The following MEMO1 variants were observed in gnomAD, a reference collection of about 807,000 sequenced individuals.
MEMO1 encodes mediator of cell motility 1.
Under a neutral mutation model 45.2 loss-of-function variants are expected in MEMO1, and 6 were observed. The observed-to-expected ratio is 0.13, with a 90% CI of 0.07 to 0.26. The LOEUF is 0.26. Ranked by LOEUF, MEMO1 falls within the 10% of genes least tolerant of loss-of-function variation. The pLI, the probability that MEMO1 is intolerant of heterozygous loss-of-function variation, is 1.00. For missense variants in MEMO1, 184 were observed against 370.5 expected (o/e 0.50, Z 4.13); for synonymous variants, 78 against 124.3 (o/e 0.63, Z 2.48).
At chr2:31,984,689 C>T (rs1182992483) in intron 2 of MEMO1, among the ~76,000 whole-genome samples, 1 of 152,146 alleles carries the variant, frequency 6.6e-6, no homozygotes, top group Non-Finnish European at 1.5e-5. Flanking sequence ...ACCTGTAGTC[C>T]CAGCCAGTCG....
At chr2:31,886,431 C>CA (rs1676203457) in intron 7 of MEMO1, among the ~76,000 whole-genome samples, 1 of 152,122 alleles carries the variant, frequency 6.6e-6, no homozygotes, top group African/African-American at 2.4e-5. Context: ...CATACACACA[C>CA]ACAACTTTAG....
chr2:31,899,426 C>A (rs906158388), intron 6 of MEMO1, among the ~76,000 whole-genome samples: 1 of 152,140 alleles, frequency 6.6e-6, no homozygotes, highest in Admixed American at 6.5e-5. Flanking sequence ...CAAAAACAAG[C>A]AATGGGGAAA....
chr2:31,926,596 C>T (rs1464151725), intron 4 of MEMO1, among the ~76,000 whole-genome samples: 4 of 152,044 alleles, frequency 2.6e-5, no homozygotes, highest in African/African-American at 9.7e-5. Flanking sequence ...CGCATGTAAT[C>T]CCAGCACTTT....
chr2:31,923,612 T>C, intron 4 of MEMO1: 3 of 1,528,072 alleles, frequency 2.0e-6, no homozygotes, highest in Non-Finnish European at 2.6e-6. Flanking sequence ...TTAGGTAGCC[T>C]GACTAGGGCC....
At chr2:31,875,172 T>C in intron 8 of MEMO1, among the ~76,000 whole-genome samples, 1 of 152,252 alleles carries the variant, frequency 6.6e-6, no homozygotes, top group East Asian at 1.9e-4. Flanking sequence ...AATTCAAGCA[T>C]ATTAATATGA....
chr2:31,879,036 C>T (rs1365730604), intron 8 of MEMO1, among the ~76,000 whole-genome samples: 1 of 152,172 alleles, frequency 6.6e-6, no homozygotes, highest in Admixed American at 6.5e-5. Flanking sequence ...TAGTTTCCAT[C>T]TTTAAAAACT....
intron 6 of MEMO1, among the ~76,000 whole-genome samples, chr2:31,917,362 C>G (rs76981731): frequency 9.9e-5 from 15 of 152,156 alleles, no homozygotes; most frequent in African/African-American, 3.6e-4. Flanking sequence ...GTGCTGGACA[C>G]TGTGCTAGGC....
chr2:31,958,102 AG>A (rs1178678745), intron 2 of MEMO1, among the ~76,000 whole-genome samples: 2 of 152,166 alleles, frequency 1.3e-5, no homozygotes, highest in African/African-American at 4.8e-5. Flanking sequence ...GAATAAAAAA[AG>A]GTAATCAGAT....
chr2:31,882,776 T>TA (rs1675607685), intron 8 of MEMO1, among the ~76,000 whole-genome samples: 1 of 152,116 alleles, frequency 6.6e-6, no homozygotes, highest in Non-Finnish European at 1.5e-5. Context: ...GGCAATAATT[T>TA]AAAAAATAAA....
At chr2:31,954,085 T>C (rs2148374964) in intron 2 of MEMO1, among the ~76,000 whole-genome samples, 1 of 152,350 alleles carries the variant, frequency 6.6e-6, no homozygotes, top group South Asian at 2.1e-4. Context: ...TGAGTCTTCT[T>C]GCCAGCCACA....
intron 2 of MEMO1, among the ~76,000 whole-genome samples, chr2:31,994,623 T>TC (rs1672344678): frequency 6.6e-6 from 1 of 151,236 alleles, no homozygotes; most frequent in Non-Finnish European, 1.5e-5. Flanking sequence ...AGAGCCAGAC[T>TC]TTGTCTAAAA....
intron 6 of MEMO1, among the ~76,000 whole-genome samples, chr2:31,895,692 T>C (rs1265895978): frequency 6.6e-6 from 1 of 152,070 alleles, no homozygotes; most frequent in Non-Finnish European, 1.5e-5. Context: ...AAGAAATAAC[T>C]GCTGAAAACA....
At position 31,942,574 on chromosome 2, in the gene MEMO1, T is replaced by TGGC. The variant is rs1042105557; in HGVS notation, c.143+725_143+727dup. On this transcript the variant is annotated intron_variant, in intron 3 of 9. Transcript: ENST00000404530. The stretch of plus-strand genomic sequence containing the variant: ...CAGGCTGGAGTGCAGTGGCATGATC[T>TGGC]GGCTCACTACAACCTCCACCTCCCA... 2.6e-4 allele frequency among the ~76,000 whole-genome samples: 39 copies of TGGC among 152,116 alleles called. 1 individual carries two copies. The highest frequency in any genetic ancestry group is 6.8e-3 in the Middle Eastern group (2 of 294).
intron 6 of MEMO1, among the ~76,000 whole-genome samples, chr2:31,916,603 C>T (rs1681481104): frequency 6.6e-6 from 1 of 152,134 alleles, no homozygotes; most frequent in African/African-American, 2.4e-5. Context: ...TAACAATATT[C>T]AATTGTCTTT....
At chr2:31,995,872 C>G (rs1289633377) in intron 2 of MEMO1, among the ~76,000 whole-genome samples, 1 of 151,830 alleles carries the variant, frequency 6.6e-6, no homozygotes, top group Non-Finnish European at 1.5e-5. Context: ...AATTGTCAAG[C>G]GACCTGAAGA....
intron 5 of MEMO1, 114 bp from the exon 6 acceptor site, chr2:31,918,151 A>C: frequency 1.9e-6 from 1 of 518,364 alleles, no homozygotes; most frequent in Non-Finnish European, 3.2e-6. Context: ...CAGAAACACC[A>C]TATAATATTC....
chr2:31,962,341 G>C (rs1187287599), intron 2 of MEMO1, among the ~76,000 whole-genome samples: 1 of 152,094 alleles, frequency 6.6e-6, no homozygotes, highest in Non-Finnish European at 1.5e-5. Flanking sequence ...AGTGAGCCAA[G>C]ATCATGCCAC....
chr2:31,872,484 A>G (rs1201194169), intron 8 of MEMO1, among the ~76,000 whole-genome samples: 6 of 152,190 alleles, frequency 3.9e-5, no homozygotes, highest in Non-Finnish European at 7.4e-5. Context: ...CACATTCAGA[A>G]CAAACATCAC....
At chr2:31,921,158 G>T (rs1460777302) in intron 4 of MEMO1, among the ~76,000 whole-genome samples, 1 of 152,172 alleles carries the variant, frequency 6.6e-6, no homozygotes, top group African/African-American at 2.4e-5. Context: ...GGCCATTAGA[G>T]TGGGGACCTC....
Sources: gnomAD v4.1 joint callset for allele counts (sites outside exome capture counted in the v4.1 genomes callset) on GRCh38, gnomAD v4.1.1 for gene constraint, MANE v1.5 for transcripts, NCBI Gene and HGNC (gene_info 2026-07-23, HGNC 2026-07-21) for gene names.